ERCC8: variants seen among roughly 807,000 people sequenced by gnomAD.
The protein encoded by ERCC8 is ERCC excision repair 8, CSA ubiquitin ligase complex subunit, also known as DNA excision repair protein ERCC-8.
Under a neutral mutation model 54.9 loss-of-function variants are expected in ERCC8, and 52 were observed. The ratio of observed to expected loss-of-function variants is 0.95; its 90% CI spans 0.76 to 1.19. The LOEUF (loss-of-function observed/expected upper bound fraction) is 1.19. ERCC8 is among the 50% of genes most tolerant of loss of function. The pLI, the probability that ERCC8 is intolerant of heterozygous loss-of-function variation, is 0.00. For synonymous variants in ERCC8, 146 were observed against 157.2 expected (o/e 0.93, Z 0.53); for missense variants, 514 against 466.1 (o/e 1.10, Z -0.95).
chr5:60,917,751 G>C lies in ERCC8; in HGVS notation c.399+514C>G, dbSNP rs1749479139. Among the ~76,000 whole-genome samples the C allele has an allele frequency of 2.0e-5, 3 of 151,966 alleles. 1 individual carries two copies. The South Asian group carries it at 6.2e-4, about 31-fold the overall frequency. ...ATATCAGAGTAGAGCTCAGAGAAAA[G>C]ATTAGCACTCGGAATGTAAATTTGA... On this transcript the variant is annotated intron_variant, in intron 4 of 11. Coordinates refer to ENST00000676185, the MANE Select transcript of ERCC8 (RefSeq NM_000082.4).
At chr5:60,878,776 T>C (rs1294624555) in intron 11 of ERCC8, among the ~76,000 whole-genome samples, 2 of 152,204 alleles carry the variant, frequency 1.3e-5, no homozygotes, top group Non-Finnish European at 2.9e-5. Flanking sequence ...TTTATTACTC[T>C]TGCTAGTGGT....
In ERCC8 at chr5:60,870,794, T is replaced by C. The variant is rs867641537; in HGVS notation, c.*3821A>G. Among the ~76,000 whole-genome samples the C allele has an allele frequency of 1.3e-5, 2 of 152,136 alleles. No individual in the cohort carries two copies. Among genetic ancestry groups the C allele is most frequent in the South Asian group, 2.1e-4 (1 of 4,824 alleles). On this transcript the variant is annotated 3_prime_UTR_variant, in exon 12 of 12. Coordinates refer to ENST00000676185, the MANE Select transcript of ERCC8 (RefSeq NM_000082.4). ...ATATTAGAAGAAAATATACCTGAGCTGAGAAAAGGTTTGGACCTTCATTGA... is the reference window on the plus strand; with the variant it reads ...ATATTAGAAGAAAATATACCTGAGCCGAGAAAAGGTTTGGACCTTCATTGA...
chr5:60,938,135 C>A (rs145754845), intron 1 of ERCC8, among the ~76,000 whole-genome samples: 1,514 of 132,008 alleles, frequency 0.011, 17 homozygotes, highest in Non-Finnish European at 0.017. Flanking sequence ...ATATAAGTTT[C>A]TCTGGGTCCC....
chr5:60,877,094 G>A (rs1250196576), intron 11 of ERCC8, among the ~76,000 whole-genome samples: 4 of 152,104 alleles, frequency 2.6e-5, no homozygotes, highest in East Asian at 1.9e-4. Flanking sequence ...AGCTTTCTAA[G>A]TATGGCTAGC....
In ERCC8 at chr5:60,904,852, CA is replaced by C; in HGVS notation, c.420del (p.Phe140LeufsTer20). 2 of 1,577,082 alleles carry C rather than the reference CA, an allele frequency of 1.3e-6. No individual in the cohort carries two copies. Among genetic ancestry groups the C allele is most frequent in the Non-Finnish European group, 1.7e-6 (2 of 1,147,762 alleles). On this transcript the variant is annotated frameshift_variant, in exon 5 of 12. Coordinates refer to ENST00000676185, the MANE Select transcript of ERCC8 (RefSeq NM_000082.4). LOFTEE classifies it high-confidence loss of function. ...ATATGATGACTATAAACTGTTTCCT[CA>C]AAATTAAATACATCTGCAGTCTGGT... is the stretch of plus-strand genomic sequence containing the variant. Reference protein sequence around the residue: ...NTLQTADVFNFEETVYSHHMS... With the variant: ...NTLQTADVFNXEETVYSHHMS...
chr5:60,944,942 A>C lies in ERCC8; in HGVS notation c.67T>G (p.Ser23Ala). 1 of 1,613,544 alleles carries C rather than the reference A, an allele frequency of 6.2e-7. No homozygotes were observed. The highest frequency in any genetic ancestry group is 8.5e-7 in the Non-Finnish European group (1 of 1,179,666). The change falls in exon 1 of 12, where the codon TCA (serine) becomes GCA (alanine). Residue 23 changes from serine to alanine, a missense_variant. Coordinates refer to ENST00000676185, the MANE Select transcript of ERCC8 (RefSeq NM_000082.4). ...TAAGGTTTTCTTTACCTCCGTGTTG[A>C]CTCTGCTCTCCGAAGGCGAAGAGGG... ...EDPLRLRRAE[S>A]TRRVLGLELN...
intron 10 of ERCC8, 132 bp from the exon 11 acceptor site, chr5:60,887,652 G>A (rs1748435366): frequency 1.4e-6 from 1 of 702,146 alleles, no homozygotes; most frequent in African/African-American, 1.8e-5. Context: ...AAAGAAACTA[G>A]GCCAATGCTG....
intron 9 of ERCC8, among the ~76,000 whole-genome samples, chr5:60,896,642 T>G (rs1289321598): frequency 6.6e-6 from 1 of 152,252 alleles, no homozygotes; most frequent in Non-Finnish European, 1.5e-5. Flanking sequence ...AAGTATTCTA[T>G]GTAGGTCAGT....
At chr5:60,938,083 ATATTT>A (rs1561519146) in intron 1 of ERCC8, among the ~76,000 whole-genome samples, 20 of 18,072 alleles carry the variant, frequency 1.1e-3, no homozygotes, top group East Asian at 6.6e-3. Flanking sequence ...ATATATATAT[ATATTT>A]TATTTTTTTT....
intron 9 of ERCC8, 135 bp from the exon 10 acceptor site, chr5:60,891,221 C>T (rs1748539674): frequency 3.1e-6 from 2 of 647,950 alleles, no homozygotes; most frequent in Non-Finnish European, 5.4e-6. Context: ...TCAACGTTGA[C>T]AGAACAAGGG....
At position 60,870,898 on chromosome 5, in the gene ERCC8, G is replaced by C. The variant is rs1383917034; in HGVS notation, c.*3717C>G. 1.3e-5 allele frequency among the ~76,000 whole-genome samples: 2 copies of C among 152,042 alleles called. No individual in the cohort carries two copies. The highest frequency in any genetic ancestry group is 2.9e-5 in the Non-Finnish European group (2 of 67,984). On this transcript the variant is annotated 3_prime_UTR_variant, in exon 12 of 12. Transcript: ENST00000676185. ...GATTTCTTGACGAGATTAAGAAACT[G>C]TAAGTTTTTACTTTTTTCTTTTAAA...
intron 11 of ERCC8, among the ~76,000 whole-genome samples, chr5:60,878,650 T>G (rs1324014263): frequency 6.6e-6 from 1 of 152,238 alleles, no homozygotes; most frequent in Non-Finnish European, 1.5e-5. Context: ...TTTTCTAGTT[T>G]ATTTGCATAG....
intron 4 of ERCC8, among the ~76,000 whole-genome samples, chr5:60,908,871 T>C (rs1320677671): frequency 6.6e-6 from 1 of 152,110 alleles, no homozygotes; most frequent in Non-Finnish European, 1.5e-5. Context: ...AAACCTTGTA[T>C]GTTTTGTGAA....
chr5:60,918,929 T>C (rs146500576), intron 3 of ERCC8, among the ~76,000 whole-genome samples: 2 of 152,140 alleles, frequency 1.3e-5, no homozygotes, highest in African/African-American at 2.4e-5. Context: ...AAACATAACA[T>C]GTTGAAGACT....
Position 60,920,042 on chromosome 5 carries a change from T to C in ERCC8, c.276-1654A>G, listed in dbSNP as rs571705379. On this transcript the variant is annotated intron_variant, in intron 3 of 11. Transcript: ENST00000676185. ...TCTTCTTACAGAAAGCAAGGGACTC[T>C]AGACATTCTCTTTTCCTAGGAGAGT... Among the ~76,000 whole-genome samples, 4 of 151,980 alleles carry C rather than the reference T, an allele frequency of 2.6e-5. No individual in the cohort carries two copies. The South Asian group carries it at 8.3e-4, about 31-fold the overall frequency.
intron 9 of ERCC8, among the ~76,000 whole-genome samples, chr5:60,891,423 T>C (rs1298443094): frequency 6.6e-6 from 1 of 152,186 alleles, no homozygotes; most frequent in Non-Finnish European, 1.5e-5. Context: ...AACATGTTGG[T>C]GGCAGTGTAA....
Position 60,882,133 on chromosome 5 carries a change from G to A in ERCC8, c.1122+5307C>T, listed in dbSNP as rs572424953. Among the ~76,000 whole-genome samples, 15 of 150,982 alleles carry A rather than the reference G, an allele frequency of 9.9e-5. No individual in the cohort carries two copies. The East Asian group carries it at 2.0e-3, about 20-fold the overall frequency. On this transcript the variant is annotated intron_variant, in intron 11 of 11. Transcript: ENST00000676185. ...TGGGATTACAGGCGTGAGCCACTGC[G>A]CCCGGCTTAGAAACATTTTTTAATG...
chr5:60,888,932 A>G (rs181262301), intron 10 of ERCC8, among the ~76,000 whole-genome samples: 22 of 152,332 alleles, frequency 1.4e-4, no homozygotes, highest in African/African-American at 5.1e-4. Context: ...AGCAAAAGGG[A>G]CCAGTTAAAA....
intron 11 of ERCC8, among the ~76,000 whole-genome samples, chr5:60,877,183 T>C (rs1255242339): frequency 2.6e-5 from 4 of 152,168 alleles, no homozygotes; most frequent in Non-Finnish European, 5.9e-5. Flanking sequence ...AAAGATCAGA[T>C]GGTTGTAGAT....
Sources: allele counts gnomAD v4.1 joint callset (sites outside exome capture counted in the v4.1 genomes callset), GRCh38; gene constraint gnomAD v4.1.1; transcripts MANE v1.5; gene names NCBI Gene and HGNC (gene_info 2026-07-23, HGNC 2026-07-21).